EHHADH: variants seen among roughly 807,000 people sequenced by gnomAD.
EHHADH encodes enoyl-CoA hydratase and 3-hydroxyacyl CoA dehydrogenase, also known as peroxisomal bifunctional enzyme.
EHHADH carries 48 observed loss-of-function variants against 64.4 expected under a neutral mutation model. The observed-to-expected ratio is 0.75, with a 90% CI of 0.59 to 0.95. The LOEUF is 0.95. Ranked by LOEUF, EHHADH falls within the 40% of genes least tolerant of loss-of-function variation. EHHADH has a pLI of 0.00. For missense variants in EHHADH, 854 were observed against 876.6 expected (o/e 0.97, Z 0.33); for synonymous variants, 308 against 326.7 (o/e 0.94, Z 0.62).
At chr3:185,208,268 C>T (rs1257314342) in intron 5 of EHHADH, among the ~76,000 whole-genome samples, 1 of 152,220 alleles carries the variant, frequency 6.6e-6, no homozygotes, top group Non-Finnish European at 1.5e-5. Flanking sequence ...GAACTGAATC[C>T]TACCAACAAC....
At chr3:185,198,275 G>C (rs1388460012) in intron 6 of EHHADH, among the ~76,000 whole-genome samples, 3 of 152,016 alleles carry the variant, frequency 2.0e-5, no homozygotes, top group African/African-American at 7.2e-5. Flanking sequence ...CTGGAGTGCA[G>C]TGGTGTGATC....
intron 1 of EHHADH, among the ~76,000 whole-genome samples, chr3:185,252,670 T>C (rs985742916): frequency 2.6e-5 from 4 of 152,204 alleles, no homozygotes; most frequent in African/African-American, 9.6e-5. Flanking sequence ...AGTCCTGCAT[T>C]TTTTGACATT....
Position 185,192,924 on chromosome 3 carries a change from C to T in EHHADH, c.1474G>A (p.Ala492Thr), listed in dbSNP as rs1421977764. ...NRMLNPYYNQ[A>T]YFLLEEGSKP... ...CTGCCTTCTTCTAACAAGAAATATG[C>T]CTGATTGTAGTAAGGATTCAACATT... The change falls in exon 7 of 7, where the codon GCA becomes ACA. Residue 492 changes from alanine (A) to threonine (T), a missense_variant. Physicochemically the swap from Ala to Thr is moderately conservative, Grantham distance 58 (BLOSUM62 0). Transcript: ENST00000231887. 1 of 1,614,190 alleles carries T rather than the reference C, an allele frequency of 6.2e-7. No homozygotes were observed. The highest frequency in any genetic ancestry group is 8.5e-7 in the Non-Finnish European group (1 of 1,180,020).
intron 1 of EHHADH, among the ~76,000 whole-genome samples, chr3:185,250,945 C>T (rs1025855408): frequency 8.5e-5 from 13 of 152,180 alleles, no homozygotes; most frequent in African/African-American, 3.1e-4. Context: ...CAGCTTTTCC[C>T]ATTTCAACCT....
At chr3:185,237,938 A>G (rs1719341195) in intron 2 of EHHADH, among the ~76,000 whole-genome samples, 1 of 151,932 alleles carries the variant, frequency 6.6e-6, no homozygotes, top group Non-Finnish European at 1.5e-5. Flanking sequence ...TATGTCTATT[A>G]CTTCCCTCTG....
intron 2 of EHHADH, among the ~76,000 whole-genome samples, chr3:185,247,023 T>A (rs534739273): frequency 6.6e-6 from 1 of 152,164 alleles, no homozygotes; most frequent in Non-Finnish European, 1.5e-5. Flanking sequence ...TCCAAACATA[T>A]GAGAATTACT....
chr3:185,235,336 C>A lies in EHHADH; in HGVS notation c.305G>T (p.Gly102Val), dbSNP rs147693859. The A allele has an allele frequency of 1.7e-5, 27 of 1,613,790 alleles. No individual in the cohort carries two copies. The highest frequency in any genetic ancestry group is 1.1e-5 in the South Asian group (1 of 91,064). ...GTGACAGCCCAGGGCCAGCTCTAGT[C>A]CCCCTCCGAAAGCCATGCCTTGGAT... is the stretch of plus-strand genomic sequence containing the variant. ...AAIQGMAFGG[G>V]LELALGCHYR... Residue 102 changes from glycine (G) to valine (V), a missense_variant, in exon 3 of 7, where the codon GGA becomes GTA. Gly to Val is a moderately radical substitution (Grantham distance 109). Coordinates refer to ENST00000231887, the MANE Select transcript of EHHADH (RefSeq NM_001966.4).
chr3:185,218,061 G>A (rs975047239), intron 5 of EHHADH, 75 bp downstream of exon 5: 32 of 1,131,340 alleles, frequency 2.8e-5, no homozygotes, highest in Non-Finnish European at 3.9e-5. Flanking sequence ...CACTGCGCCC[G>A]GCCAGGAGTT....
intron 5 of EHHADH, among the ~76,000 whole-genome samples, chr3:185,217,612 C>T (rs1718718030): frequency 1.3e-5 from 2 of 150,642 alleles, no homozygotes; most frequent in South Asian, 4.2e-4. Context: ...TGCCATATGA[C>T]GTGCCTATTC....
chr3:185,248,648 A>G (rs561259107), intron 1 of EHHADH, 131 bp from the exon 2 acceptor site: 3 of 615,336 alleles, frequency 4.9e-6, no homozygotes, highest in Non-Finnish European at 8.4e-6. Flanking sequence ...ACTTCTCAAT[A>G]AAGCTTCCAA....
intron 4 of EHHADH, among the ~76,000 whole-genome samples, chr3:185,223,491 T>A (rs1429180272): frequency 6.6e-6 from 1 of 152,192 alleles, no homozygotes; most frequent in Non-Finnish European, 1.5e-5. Flanking sequence ...TTGCAGTTGT[T>A]TTAGTTTTAA....
intron 6 of EHHADH, among the ~76,000 whole-genome samples, chr3:185,200,707 G>T (rs1435550961): frequency 6.6e-6 from 1 of 152,178 alleles, no homozygotes; most frequent in Non-Finnish European, 1.5e-5. Flanking sequence ...ACCAAATAAG[G>T]ATGTTTTAAA....
intron 1 of EHHADH, among the ~76,000 whole-genome samples, chr3:185,249,283 C>G (rs1166088067): frequency 6.6e-6 from 1 of 152,160 alleles, no homozygotes; most frequent in African/African-American, 2.4e-5. Context: ...CGCCCGCCAC[C>G]ACGTCCGGCT....
chr3:185,228,579 G>T (rs1719065636), intron 4 of EHHADH, among the ~76,000 whole-genome samples: 1 of 151,278 alleles, frequency 6.6e-6, no homozygotes, highest in South Asian at 2.1e-4. Flanking sequence ...TTGGGAGGCT[G>T]AGGCAGGAGA....
chr3:185,207,027 C>T (rs1202864285), intron 5 of EHHADH, among the ~76,000 whole-genome samples: 1 of 152,118 alleles, frequency 6.6e-6, no homozygotes, highest in East Asian at 1.9e-4. Flanking sequence ...GTAGCCCACG[C>T]CTGTAATTCC....
chr3:185,208,360 T>C (rs969928956), intron 5 of EHHADH, among the ~76,000 whole-genome samples: 4 of 152,228 alleles, frequency 2.6e-5, no homozygotes, highest in African/African-American at 9.6e-5. Context: ...AACACCTTGA[T>C]TGTAGCTTTG....
intron 2 of EHHADH, chr3:185,245,867 A>G: frequency 9.7e-7 from 1 of 1,032,180 alleles, no homozygotes; most frequent in South Asian, 1.3e-5. Context: ...CCCAGCAACC[A>G]TATCTGGATT....
intron 5 of EHHADH, among the ~76,000 whole-genome samples, chr3:185,212,484 T>C (rs1718567016): frequency 6.6e-6 from 1 of 152,226 alleles, no homozygotes; most frequent in Non-Finnish European, 1.5e-5. Context: ...ATTGGAACCT[T>C]GACCATTGGA....
chr3:185,235,187 CAAAT>C, intron 3 of EHHADH, 99 bp downstream of exon 3: 11 of 1,223,500 alleles, frequency 9.0e-6, no homozygotes, highest in Non-Finnish European at 1.2e-5. Flanking sequence ...CTCAAAAAAA[CAAAT>C]AAATAAAATA....
Sources: gnomAD v4.1 joint callset for allele counts (sites outside exome capture counted in the v4.1 genomes callset) on GRCh38, gnomAD v4.1.1 for gene constraint, MANE v1.5 for transcripts, NCBI Gene and HGNC (gene_info 2026-07-23, HGNC 2026-07-21) for gene names.